DPP10: variants seen among roughly 807,000 people sequenced by gnomAD.
DPP10 encodes the protein inactive dipeptidyl peptidase 10.
Under a neutral mutation model 120.9 loss-of-function variants are expected in DPP10, and 33 were observed. That is an observed-to-expected ratio of 0.27 (90% confidence interval 0.21 to 0.37). The LOEUF (loss-of-function observed/expected upper bound fraction) is 0.37, where lower values mean the gene tolerates loss of function less well. DPP10 is among the 10% of genes least tolerant of loss of function. DPP10 has a pLI of 1.00. For missense variants in DPP10, 816 were observed against 942.8 expected (o/e 0.87, Z 1.76); for synonymous variants, 337 against 326.1 (o/e 1.03, Z -0.36).
chr2:114,914,509 T>C (rs1387198945), intron 1 of DPP10, among the ~76,000 whole-genome samples: 4 of 152,180 alleles, frequency 2.6e-5, no homozygotes, highest in African/African-American at 9.7e-5. Context: ...AGCACATGCT[T>C]ACGGAATTTA....
At chr2:115,167,760 CATCA>C (rs1377300077) in intron 1 of DPP10, among the ~76,000 whole-genome samples, 1 of 152,054 alleles carries the variant, frequency 6.6e-6, no homozygotes, top group African/African-American at 2.4e-5. Context: ...TGGATTTGGA[CATCA>C]ATCCTATTTT....
intron 5 of DPP10, among the ~76,000 whole-genome samples, chr2:115,688,596 T>C (rs772577894): frequency 2.0e-5 from 3 of 152,122 alleles, no homozygotes; most frequent in African/African-American, 4.8e-5. Context: ...TAGATTCACA[T>C]AGCTTAGAGA....
intron 1 of DPP10, among the ~76,000 whole-genome samples, chr2:115,126,328 C>T (rs2104762456): frequency 6.6e-6 from 1 of 152,114 alleles, no homozygotes; most frequent in Admixed American, 6.5e-5. Flanking sequence ...TCTTGAACCC[C>T]TAGGCTCAAG....
At chr2:115,161,748 G>A (rs2052382313) in intron 1 of DPP10, 3 of 451,570 alleles carry the variant, frequency 6.6e-6, no homozygotes, top group Non-Finnish European at 1.1e-5. Flanking sequence ...GGAGTCAGAG[G>A]GTCTGCGGTG....
At chr2:114,572,979 C>G (rs1443321374) in intron 1 of DPP10, among the ~76,000 whole-genome samples, 3 of 152,090 alleles carry the variant, frequency 2.0e-5, no homozygotes, top group Non-Finnish European at 4.4e-5. Context: ...TTCATTTAGT[C>G]TTTGTTTGTT....
rs369702036 is a variant in DPP10 at position 114,730,711 on chromosome 2, C to T, written c.60+287873C>T. ...TGGATTCAAGCGATTCTCCTGCCTC[C>T]GCCTCCCGAGTAGCTGGGACTACCG... On this transcript the variant is annotated intron_variant, in intron 1 of 25. Transcript: ENST00000410059. Among the ~76,000 whole-genome samples, 8 of 151,950 alleles carry T rather than the reference C, an allele frequency of 5.3e-5. No individual in the cohort carries two copies. In the East Asian group the frequency reaches 9.7e-4, roughly 18 times the overall value.
intron 2 of DPP10, among the ~76,000 whole-genome samples, chr2:115,313,776 T>C (rs1287420489): frequency 3.3e-5 from 5 of 152,218 alleles, no homozygotes; most frequent in African/African-American, 4.8e-5. Flanking sequence ...TTTTGAAGAA[T>C]AGGCTATTCA....
chr2:114,473,865 A>G (rs987931059), intron 1 of DPP10, among the ~76,000 whole-genome samples: 3 of 152,076 alleles, frequency 2.0e-5, no homozygotes, highest in Non-Finnish European at 4.4e-5. Flanking sequence ...TTATACTTAC[A>G]TACATACATA....
At chr2:114,553,286 C>A (rs1408067434) in intron 1 of DPP10, among the ~76,000 whole-genome samples, 1 of 152,200 alleles carries the variant, frequency 6.6e-6, no homozygotes, top group African/African-American at 2.4e-5. Flanking sequence ...TGTTCATTTT[C>A]CCCCTGCTGC....
intron 1 of DPP10, among the ~76,000 whole-genome samples, chr2:115,259,276 G>A (rs987318633): frequency 6.6e-6 from 1 of 152,146 alleles, no homozygotes; most frequent in Non-Finnish European, 1.5e-5. Flanking sequence ...GAGATTGGGA[G>A]TTCGAGACCA....
chr2:114,690,394 G>T (rs945376113), intron 1 of DPP10, among the ~76,000 whole-genome samples: 1 of 151,936 alleles, frequency 6.6e-6, no homozygotes, highest in Non-Finnish European at 1.5e-5. Context: ...GATGGGTGTA[G>T]GTGTGCAGTC....
intron 1 of DPP10, among the ~76,000 whole-genome samples, chr2:114,716,936 T>C (rs1250479205): frequency 6.6e-6 from 1 of 152,158 alleles, no homozygotes; most frequent in African/African-American, 2.4e-5. Flanking sequence ...TCACATTTCT[T>C]CAAATATAAG....
intron 1 of DPP10, among the ~76,000 whole-genome samples, chr2:114,494,044 G>C (rs2104454471): frequency 7.6e-6 from 1 of 131,228 alleles, no homozygotes; most frequent in Middle Eastern, 5.1e-3. Flanking sequence ...CTATTTTAGT[G>C]AAAGTATGCT....
chr2:115,335,778 A>G (rs2063092439), intron 2 of DPP10, among the ~76,000 whole-genome samples: 1 of 152,036 alleles, frequency 6.6e-6, no homozygotes, highest in Non-Finnish European at 1.5e-5. Flanking sequence ...ATGCATTAGA[A>G]GACTATCCCA....
chr2:114,838,567 GATTACAGGT>G (rs1401248808), intron 1 of DPP10, among the ~76,000 whole-genome samples: 24 of 152,018 alleles, frequency 1.6e-4, no homozygotes, highest in Admixed American at 1.6e-3. Flanking sequence ...AAAGTACTGG[GATTACAGGT>G]ATGAGCCACT....
At chr2:115,097,050 A>G (rs2048434724) in intron 1 of DPP10, among the ~76,000 whole-genome samples, 1 of 152,192 alleles carries the variant, frequency 6.6e-6, no homozygotes, top group South Asian at 2.1e-4. Flanking sequence ...CTCTTGTGAA[A>G]ATAACCACTT....
At chr2:114,531,164 T>C (rs1685944979) in intron 1 of DPP10, among the ~76,000 whole-genome samples, 1 of 152,070 alleles carries the variant, frequency 6.6e-6, no homozygotes. Flanking sequence ...GAGCACCTCT[T>C]ATATTCTAAG....
intron 1 of DPP10, among the ~76,000 whole-genome samples, chr2:115,200,072 TC>T (rs981383096): frequency 8.5e-5 from 13 of 152,156 alleles, no homozygotes; most frequent in African/African-American, 2.9e-4. Context: ...TTTCTGTGCA[TC>T]CGTTGTTGCA....
chr2:114,769,494 A>G (rs1200789491), intron 1 of DPP10, among the ~76,000 whole-genome samples: 1 of 152,346 alleles, frequency 6.6e-6, no homozygotes, highest in East Asian at 1.9e-4. Flanking sequence ...TTAAGGTTCA[A>G]AATGAAAATA....
Sources: gnomAD v4.1 joint callset for allele counts (sites outside exome capture counted in the v4.1 genomes callset) on GRCh38, gnomAD v4.1.1 for gene constraint, MANE v1.5 for transcripts, NCBI Gene and HGNC (gene_info 2026-07-23, HGNC 2026-07-21) for gene names.